Variants in ZNF451 observed in about 807,000 individuals in gnomAD.
The protein encoded by ZNF451 is E3 SUMO-protein ligase ZNF451.
Under a neutral mutation model 107.1 loss-of-function variants are expected in ZNF451, and 80 were observed. The ratio of observed to expected loss-of-function variants is 0.75; its 90% CI spans 0.62 to 0.90. The LOEUF (loss-of-function observed/expected upper bound fraction) is 0.90, where lower values mean the gene tolerates loss of function less well. ZNF451 is among the 40% of genes least tolerant of loss of function. The pLI is 0.00. For missense variants in ZNF451, 1,107 were observed against 1,236.2 expected, an observed-to-expected ratio of 0.90 and a Z score of 1.57; for synonymous variants, 362 against 406.5, an observed-to-expected ratio of 0.89 and a Z score of 1.32.
intron 2 of ZNF451, among the ~76,000 whole-genome samples, chr6:57,096,615 A>AG (rs1025683057): frequency 3.5e-5 from 2 of 56,718 alleles, no homozygotes; most frequent in Admixed American, 2.4e-4. Context: ...GCGGGGGGGT[A>AG]GGGGGGCGCT....
At chr6:57,119,518 C>T (rs921080758) in intron 3 of ZNF451, among the ~76,000 whole-genome samples, 6 of 151,974 alleles carry the variant, frequency 3.9e-5, no homozygotes, top group South Asian at 2.1e-4. Flanking sequence ...AGCAAGACTC[C>T]GTCTCAAAAG....
intron 3 of ZNF451, chr6:57,108,590 A>T: frequency 1.0e-6 from 1 of 985,398 alleles, no homozygotes; most frequent in Non-Finnish European, 1.2e-6. Context: ...TGCCTTCAGT[A>T]GAATATAGTT....
Position 57,169,204 on chromosome 6 carries a change from G to A in ZNF451, c.*735G>A, listed in dbSNP as rs1764030525. On this transcript the variant is annotated 3_prime_UTR_variant, in exon 15 of 15. Coordinates refer to ENST00000370706, the MANE Select transcript of ZNF451 (RefSeq NM_001031623.3). ...TAAAGGGAATGGTGTCAGAATATTT[G>A]CATAAAATTATTTTTCATAACAGTC... 1 of 152,044 alleles carries A rather than the reference G, an allele frequency of 6.6e-6. No individual in the cohort carries two copies. Among genetic ancestry groups the A allele is most frequent in the Non-Finnish European group, 1.5e-5 (1 of 67,976 alleles). The allele number at this position is 152,044 out of a possible 1,614,324, so 9.4% of individuals were successfully genotyped here.
chr6:57,142,816 G>C (rs1048934817), intron 9 of ZNF451, among the ~76,000 whole-genome samples: 1 of 152,114 alleles, frequency 6.6e-6, no homozygotes, highest in African/African-American at 2.4e-5. Flanking sequence ...TACAGGTAAG[G>C]TATGAAAGTT....
At chr6:57,092,415 C>A (rs1453749799) in intron 2 of ZNF451, among the ~76,000 whole-genome samples, 1 of 152,132 alleles carries the variant, frequency 6.6e-6, no homozygotes, top group Non-Finnish European at 1.5e-5. Flanking sequence ...TGACATGATA[C>A]AACTTCTTAC....
At position 57,146,685 on chromosome 6, in the gene ZNF451, T is replaced by G. The variant is rs1402722558; in HGVS notation, c.1005-405T>G. On this transcript the variant is annotated intron_variant, in intron 9 of 14. Coordinates refer to ENST00000370706, the MANE Select transcript of ZNF451 (RefSeq NM_001031623.3). ...TACCATAGCCTTATAGTATCAACAT[T>G]AATCAGTTATTAAAGAATAGGAACT... is the stretch of plus-strand genomic sequence containing the variant. Among the ~76,000 whole-genome samples, 5 of 152,222 alleles carry G rather than the reference T, an allele frequency of 3.3e-5. No individual in the cohort carries two copies. In the East Asian group the frequency reaches 9.6e-4, roughly 29 times the overall value.
chr6:57,103,485 T>C, intron 3 of ZNF451: 2 of 985,398 alleles, frequency 2.0e-6, no homozygotes, highest in South Asian at 4.7e-5. Context: ...ACCTCAATTA[T>C]ATGTCCCACA....
chr6:57,121,220 CTG>C (rs1830622675), intron 3 of ZNF451, among the ~76,000 whole-genome samples: 1 of 152,076 alleles, frequency 6.6e-6, no homozygotes, highest in African/African-American at 2.4e-5. Context: ...TTTCTGGACT[CTG>C]TTGTTTCATT....
At chr6:57,117,171 A>AT (rs999688351) in intron 3 of ZNF451, among the ~76,000 whole-genome samples, 3 of 152,124 alleles carry the variant, frequency 2.0e-5, no homozygotes, top group African/African-American at 7.2e-5. Context: ...TGGAATCAGA[A>AT]GTGTTTGGGT....
intron 13 of ZNF451, among the ~76,000 whole-genome samples, chr6:57,158,221 G>A (rs1409310092): frequency 6.6e-6 from 1 of 152,220 alleles, no homozygotes; most frequent in Non-Finnish European, 1.5e-5. Flanking sequence ...GCCACCCAGT[G>A]TGAATTACTG....
At chr6:57,123,706 A>G (rs920941855) in intron 3 of ZNF451, among the ~76,000 whole-genome samples, 21 of 152,278 alleles carry the variant, frequency 1.4e-4, no homozygotes, top group Admixed American at 7.8e-4. Context: ...ATTTCATTAT[A>G]GTTTTGTAGT....
chr6:57,124,829 G>A lies in ZNF451; in HGVS notation c.282G>A (p.Gln94=). 5 of 1,610,626 alleles carry A rather than the reference G, an allele frequency of 3.1e-6. No homozygotes were observed. The highest frequency in any genetic ancestry group is 2.2e-5 in the East Asian group (1 of 44,762). ...RLARHVEVEK[Q]QKEEKNRAFR... ...CCCGCCATGTTGAAGTGGAGAAACA[G>A]CAGAAAGAAGAGAAGAATAGAGCAT... Residue 94 remains glutamine, a synonymous_variant, in exon 4 of 15, where the codon CAG becomes CAA. Coordinates refer to ENST00000370706, the MANE Select transcript of ZNF451 (RefSeq NM_001031623.3).
intron 14 of ZNF451, among the ~76,000 whole-genome samples, chr6:57,161,855 G>A (rs1184506904): frequency 2.0e-5 from 3 of 151,852 alleles, no homozygotes; most frequent in African/African-American, 7.3e-5. Context: ...CCACTAACAC[G>A]CCCAGCTAAA....
chr6:57,096,277 C>T (rs1157062765), intron 2 of ZNF451, among the ~76,000 whole-genome samples: 3 of 148,400 alleles, frequency 2.0e-5, no homozygotes, highest in Admixed American at 6.7e-5. Context: ...CTCTGCCTCC[C>T]GGGTTCAAGC....
chr6:57,158,788 G>A, intron 13 of ZNF451: 1 of 985,446 alleles, frequency 1.0e-6, no homozygotes, highest in Non-Finnish European at 1.2e-6. Context: ...ATGCTCCTTA[G>A]ATGGTCTTGT....
At chr6:57,154,297 A>G in intron 13 of ZNF451, 1 of 560,044 alleles carries the variant, frequency 1.8e-6, no homozygotes, top group Non-Finnish European at 3.1e-6. Context: ...ATATTGATGT[A>G]TATAAAACAT....
intron 10 of ZNF451, 149 bp from the exon 11 acceptor site, chr6:57,150,570 T>C (rs1047753954): frequency 2.9e-6 from 2 of 695,002 alleles, no homozygotes; most frequent in Non-Finnish European, 4.5e-6. Context: ...ATGTACAGAT[T>C]TGGATTTCAC....
At chr6:57,100,570 TCCTTGG>T (rs1593080336) in intron 3 of ZNF451, 1 of 1,453,076 alleles carries the variant, frequency 6.9e-7, no homozygotes, top group Non-Finnish European at 9.1e-7. Context: ...TTTTTTTTCT[TCCTTGG>T]TTTTCTTGTT....
chr6:57,130,887 T>C (rs192179140), intron 5 of ZNF451, among the ~76,000 whole-genome samples: 194 of 152,274 alleles, frequency 1.3e-3, no homozygotes, highest in African/African-American at 4.0e-3. Flanking sequence ...TGTGATGGGC[T>C]CAGCTTTTTG....
Sources: allele counts gnomAD v4.1 joint callset (sites outside exome capture counted in the v4.1 genomes callset), GRCh38; gene constraint gnomAD v4.1.1; transcripts MANE v1.5; gene names NCBI Gene and HGNC (gene_info 2026-07-23, HGNC 2026-07-21).